The following SDK1 variants were observed in gnomAD, a reference collection of about 807,000 sequenced individuals.
SDK1 encodes the protein protein sidekick-1.
In SDK1, 157 loss-of-function variants were observed where a neutral mutation model predicts 245.5. The observed-to-expected ratio is 0.64, with a 90% CI of 0.56 to 0.73. SDK1 has a LOEUF of 0.73. SDK1 is among the 30% of genes least tolerant of loss of function. The pLI is 0.00. For synonymous variants in SDK1, 1,647 were observed against 1,278.5 expected (o/e 1.29, Z -6.15); for missense variants, 3,583 against 3,002.3 (o/e 1.19, Z -4.52).
chr7:3,566,224 C>CTTTTTTTTTTTTTTTTTT (rs568790658), intron 1 of SDK1, among the ~76,000 whole-genome samples: 1 of 125,420 alleles, frequency 8.0e-6, no homozygotes, highest in African/African-American at 3.0e-5. Context: ...TAAACTTCTT[C>CTTTTTTTTTTTTTTTTTT]TTTTTTTTTT....
chr7:4,051,183 TTA>T (rs1789445838), intron 18 of SDK1, among the ~76,000 whole-genome samples: 1 of 140,786 alleles, frequency 7.1e-6, no homozygotes, highest in Non-Finnish European at 1.5e-5. Flanking sequence ...ATATTATACA[TTA>T]TATATGTGTA....
chr7:4,182,178 C>T (rs1294319552), intron 35 of SDK1, among the ~76,000 whole-genome samples: 1 of 152,194 alleles, frequency 6.6e-6, no homozygotes, highest in African/African-American at 2.4e-5. Flanking sequence ...CTTGGCCTCC[C>T]AAAGTGCCAT....
chr7:4,063,776 C>G (rs1779698300), intron 19 of SDK1, among the ~76,000 whole-genome samples: 1 of 151,998 alleles, frequency 6.6e-6, no homozygotes, highest in South Asian at 2.1e-4. Context: ...ACAACAGACA[C>G]ATAGACCAAT....
chr7:3,634,546 T>C (rs1262232832), intron 2 of SDK1, among the ~76,000 whole-genome samples: 1 of 152,314 alleles, frequency 6.6e-6, no homozygotes, highest in Admixed American at 6.5e-5. Flanking sequence ...TGATTTGAAA[T>C]AGGAACAGGC....
At chr7:4,200,533 G>A (rs189899125) in intron 35 of SDK1, among the ~76,000 whole-genome samples, 23 of 152,348 alleles carry the variant, frequency 1.5e-4, no homozygotes, top group African/African-American at 5.0e-4. Flanking sequence ...AAGTTCGACC[G>A]GGGAAGGATG....
At chr7:3,624,927 C>G (rs1312353856) in intron 2 of SDK1, among the ~76,000 whole-genome samples, 5 of 152,030 alleles carry the variant, frequency 3.3e-5, no homozygotes. Context: ...TGCCTGTAAT[C>G]CCAGCTACTC....
In SDK1 at chr7:3,383,972, T is replaced by C. The variant is rs1275685151; in HGVS notation, c.298+82088T>C. ...ATATAAGACATTAAAACATTTTATA[T>C]TTTAAATGATTTAGATCATTTATTA... On this transcript the variant is annotated intron_variant, in intron 1 of 44. Coordinates refer to ENST00000404826, the MANE Select transcript of SDK1 (RefSeq NM_152744.4). 2.0e-5 allele frequency among the ~76,000 whole-genome samples: 3 copies of C among 152,202 alleles called. No individual in the cohort carries two copies. The East Asian group carries it at 5.8e-4, about 29-fold the overall frequency.
intron 4 of SDK1, among the ~76,000 whole-genome samples, chr7:3,718,226 G>A (rs1785259916): frequency 6.6e-6 from 1 of 152,136 alleles, no homozygotes; most frequent in Non-Finnish European, 1.5e-5. Context: ...TCAGCTGGTT[G>A]CGGTGGCTCA....
chr7:3,916,332 A>G (rs866931929), intron 5 of SDK1, among the ~76,000 whole-genome samples: 1 of 152,234 alleles, frequency 6.6e-6, no homozygotes, highest in African/African-American at 2.4e-5. Context: ...ATGTGACATC[A>G]TAGCTGTCTG....
chr7:3,314,723 C>G (rs568616522), intron 1 of SDK1, among the ~76,000 whole-genome samples: 113 of 152,190 alleles, frequency 7.4e-4, no homozygotes, highest in African/African-American at 2.5e-3. Flanking sequence ...TTGTGTTATG[C>G]TTTTATATAG....
At chr7:3,971,632 TTGAGA>T in intron 12 of SDK1, 64 bp downstream of exon 12, 3 of 1,221,516 alleles carry the variant, frequency 2.5e-6, no homozygotes, top group Non-Finnish European at 3.6e-6. Flanking sequence ...TGAAGTGAAG[TTGAGA>T]TGAGGAGGAA....
At chr7:4,238,920 T>C (rs935326892) in intron 42 of SDK1, among the ~76,000 whole-genome samples, 1 of 152,158 alleles carries the variant, frequency 6.6e-6, no homozygotes, top group South Asian at 2.1e-4. Context: ...TGCAATATTA[T>C]AAACACAGTG....
intron 35 of SDK1, among the ~76,000 whole-genome samples, chr7:4,181,334 C>T (rs573028593): frequency 3.9e-5 from 6 of 152,374 alleles, no homozygotes; most frequent in African/African-American, 1.4e-4. Context: ...TCTGGTGTGT[C>T]TGCTCCTCCA....
At chr7:4,113,533 C>G (rs1218742616) in intron 24 of SDK1, 94 bp downstream of exon 24, 3 of 1,414,006 alleles carry the variant, frequency 2.1e-6, no homozygotes, top group Non-Finnish European at 1.9e-6. Flanking sequence ...CTTAGTCACG[C>G]CTTTGTCCTA....
chr7:3,721,699 G>C (rs1778810344), intron 4 of SDK1, among the ~76,000 whole-genome samples: 1 of 152,126 alleles, frequency 6.6e-6, no homozygotes, highest in South Asian at 2.1e-4. Context: ...ACTGAGGAAG[G>C]GGGAGGAATA....
At chr7:3,960,137 A>C (rs1040898123) in intron 8 of SDK1, among the ~76,000 whole-genome samples, 1 of 152,374 alleles carries the variant, frequency 6.6e-6, no homozygotes, top group East Asian at 1.9e-4. Flanking sequence ...CTCCTAAAAG[A>C]GAGATGATTT....
intron 5 of SDK1, among the ~76,000 whole-genome samples, chr7:3,871,587 T>C (rs1780957718): frequency 6.6e-6 from 1 of 152,226 alleles, no homozygotes; most frequent in Non-Finnish European, 1.5e-5. Context: ...GGAGAAGACC[T>C]CAGGCTGCTT....
intron 22 of SDK1, among the ~76,000 whole-genome samples, chr7:4,087,984 G>A (rs1346475226): frequency 6.6e-6 from 1 of 152,172 alleles, no homozygotes; most frequent in Non-Finnish European, 1.5e-5. Context: ...AAATTCTTCT[G>A]TGTTCTAAGT....
At chr7:3,702,434 T>C (rs1160748700) in intron 4 of SDK1, among the ~76,000 whole-genome samples, 1 of 152,226 alleles carries the variant, frequency 6.6e-6, no homozygotes, top group Admixed American at 6.5e-5. Flanking sequence ...TCGTGGCTCC[T>C]GCAGAGGTTT....
Sources: allele counts gnomAD v4.1 joint callset (sites outside exome capture counted in the v4.1 genomes callset), GRCh38; gene constraint gnomAD v4.1.1; transcripts MANE v1.5; gene names NCBI Gene and HGNC (gene_info 2026-07-23, HGNC 2026-07-21).